The following ZBTB11 variants were observed in gnomAD, a reference collection of about 807,000 sequenced individuals.
The protein encoded by ZBTB11 is zinc finger and BTB domain-containing protein 11.
Under a neutral mutation model 113.1 loss-of-function variants are expected in ZBTB11, and 68 were observed. The observed-to-expected ratio is 0.60, with a 90% CI of 0.49 to 0.74. ZBTB11 has a LOEUF of 0.74. ZBTB11 is among the 30% of genes least tolerant of loss of function. The pLI is 0.00. For synonymous variants in ZBTB11, 518 were observed against 452.6 expected (o/e 1.14, Z -1.83); for missense variants, 1,104 against 1,279.4 (o/e 0.86, Z 2.09).
chr3:101,662,608 G>C (rs1385118834), intron 5 of ZBTB11, among the ~76,000 whole-genome samples: 1 of 152,010 alleles, frequency 6.6e-6, no homozygotes, highest in African/African-American at 2.4e-5. Context: ...TCCGTCTCCA[G>C]AAAAACAAAA....
At chr3:101,668,767 A>T (rs1937037039) in intron 3 of ZBTB11, among the ~76,000 whole-genome samples, 1 of 152,214 alleles carries the variant, frequency 6.6e-6, no homozygotes, top group South Asian at 2.1e-4. Flanking sequence ...TGTACACCAT[A>T]AATATGTACA....
Position 101,654,420 on chromosome 3 carries a change from A to G in ZBTB11, c.2309+284T>C, listed in dbSNP as rs572553274. Among the ~76,000 whole-genome samples, 5 of 152,166 alleles carry G rather than the reference A, an allele frequency of 3.3e-5. No individual in the cohort carries two copies. In the South Asian group the frequency reaches 6.2e-4, roughly 19 times the overall value. On this transcript the variant is annotated intron_variant, in intron 8 of 10. Coordinates refer to ENST00000312938, the MANE Select transcript of ZBTB11 (RefSeq NM_014415.4). Reference sequence around the variant, plus strand: ...TAGGAGGATCTGGAAAATGAAGAAGAGGGGGGGAAAGAAACTGGCTGGCAG... The same window carrying G: ...TAGGAGGATCTGGAAAATGAAGAAGGGGGGGGGAAAGAAACTGGCTGGCAG...
Position 101,665,645 on chromosome 3 carries a change from C to T in ZBTB11, c.942G>A (p.Lys314=), listed in dbSNP as rs1033836102. ...CESVHKLMEE[K]QLTVYKKGEV... is the part of the protein sequence containing the mutation. Reference sequence around the variant, plus strand: ...CGCCCTTCTTATATACTGTTAGCTGCTTCTCTTCCATTAGCTTATGTACAC... The same window carrying T: ...CGCCCTTCTTATATACTGTTAGCTGTTTCTCTTCCATTAGCTTATGTACAC... The change falls in exon 4 of 11, where the codon AAG becomes AAA. Residue 314 remains lysine (K), a synonymous_variant. Transcript: ENST00000312938. 3.1e-6 allele frequency: 5 copies of T among 1,614,180 alleles called. No homozygotes were observed. In the African/African-American group the frequency reaches 4.0e-5, roughly 13 times the overall value.
chr3:101,665,762 A>G lies in ZBTB11; in HGVS notation c.825T>C (p.Thr275=). 1 of 1,610,648 alleles carries G rather than the reference A, an allele frequency of 6.2e-7. No homozygotes were observed. The highest frequency in any genetic ancestry group is 8.5e-7 in the Non-Finnish European group (1 of 1,178,906). Residue 275 remains threonine (T), a synonymous_variant, in exon 4 of 11, where the codon ACT becomes ACC. Coordinates refer to ENST00000312938, the MANE Select transcript of ZBTB11 (RefSeq NM_014415.4). ...TACAGAAATCAAAACTTAGTACAGAAGTATAGGCAAATTCCAGTAAAGGAA... is the reference window on the plus strand; with the variant it reads ...TACAGAAATCAAAACTTAGTACAGAGGTATAGGCAAATTCCAGTAAAGGAA... ...SFLPLLEFAY[T]SVLSFDFCSM...
Position 101,677,023 on chromosome 3 carries a change from G to A in ZBTB11, c.-109C>T. The A allele has an allele frequency of 1.6e-6, 2 of 1,261,640 alleles. No individual in the cohort carries two copies. 78.2% of individuals were successfully genotyped at this position (1,261,640 alleles called of 1,614,324 possible). ...GGCGGCACCGTAGGGAGAAACGGCTGCGCCTTTGGCGAGCGCTCTTCGACG... is the reference window on the plus strand; with the variant it reads ...GGCGGCACCGTAGGGAGAAACGGCTACGCCTTTGGCGAGCGCTCTTCGACG... On this transcript the variant is annotated 5_prime_UTR_variant, in exon 1 of 11. Coordinates refer to ENST00000312938, the MANE Select transcript of ZBTB11 (RefSeq NM_014415.4).
At chr3:101,674,981 G>A (rs1187499556) in intron 1 of ZBTB11, among the ~76,000 whole-genome samples, 1 of 152,176 alleles carries the variant, frequency 6.6e-6, no homozygotes, top group African/African-American at 2.4e-5. Flanking sequence ...GCTGAAAAGG[G>A]AGGATCATCT....
At chr3:101,669,355 T>A (rs1169544082) in intron 3 of ZBTB11, among the ~76,000 whole-genome samples, 1 of 152,226 alleles carries the variant, frequency 6.6e-6, no homozygotes, top group East Asian at 1.9e-4. Context: ...ATCAAACATA[T>A]TTTTAAAATA....
chr3:101,674,912 T>C (rs531807963), intron 1 of ZBTB11, among the ~76,000 whole-genome samples: 6 of 152,256 alleles, frequency 3.9e-5, no homozygotes, highest in South Asian at 4.2e-4. Flanking sequence ...TGTGTGACTT[T>C]TGTTGTGTTA....
chr3:101,672,564 A>T (rs1313478749), intron 1 of ZBTB11, among the ~76,000 whole-genome samples: 2 of 152,230 alleles, frequency 1.3e-5, no homozygotes, highest in Non-Finnish European at 2.9e-5. Flanking sequence ...TACACAAATT[A>T]ACAATTTAGG....
chr3:101,667,406 T>C (rs1263236539), intron 3 of ZBTB11, among the ~76,000 whole-genome samples: 2 of 152,238 alleles, frequency 1.3e-5, no homozygotes, highest in African/African-American at 2.4e-5. Context: ...TTCTGCACTT[T>C]GCTTTTCTAA....
At chr3:101,656,714 G>A (rs370732266) in intron 6 of ZBTB11, among the ~76,000 whole-genome samples, 1 of 152,002 alleles carries the variant, frequency 6.6e-6, no homozygotes, top group Non-Finnish European at 1.5e-5. Flanking sequence ...TAAAAATGAC[G>A]TGACAATGCC....
chr3:101,658,187 C>T (rs1333794138), intron 6 of ZBTB11, among the ~76,000 whole-genome samples: 1 of 151,916 alleles, frequency 6.6e-6, no homozygotes, highest in Non-Finnish European at 1.5e-5. Context: ...TTTGCAGCAA[C>T]CTGGATGGAA....
intron 7 of ZBTB11, among the ~76,000 whole-genome samples, 182 bp from the exon 8 acceptor site, chr3:101,655,003 G>C (rs527241050): frequency 5.3e-5 from 8 of 152,096 alleles, no homozygotes; most frequent in African/African-American, 1.9e-4. Flanking sequence ...TCAGCTTCCC[G>C]AGTAGCTGGG....
In ZBTB11 at chr3:101,653,152, G is replaced by A. The variant is rs9811571; in HGVS notation, c.2310-214C>T. On this transcript the variant is annotated intron_variant, in intron 8 of 10. Coordinates refer to ENST00000312938, the MANE Select transcript of ZBTB11 (RefSeq NM_014415.4). ...AATGTTTTAGAAAGAATCGTGCATA[G>A]TTCCCAAAGGTTATTACAGAGGAAA... Among the ~76,000 whole-genome samples the A allele has an allele frequency of 1.6e-3, 247 of 152,246 alleles. 3 individuals carry two copies. Among genetic ancestry groups the A allele is most frequent in the African/African-American group, 5.7e-3 (237 of 41,558 alleles).
chr3:101,655,707 C>T (rs1936783483), intron 7 of ZBTB11: 2 of 151,420 alleles, frequency 1.3e-5, no homozygotes, highest in African/African-American at 4.9e-5. Flanking sequence ...GTCGCCCAGG[C>T]TGGAGTGCAG....
chr3:101,648,939 A>C lies in ZBTB11; in HGVS notation c.*2227T>G, dbSNP rs1936649252. On this transcript the variant is annotated 3_prime_UTR_variant, in exon 11 of 11. Transcript: ENST00000312938. ...GGACAAATTGAAGGATGGTAAATGC[A>C]GGGGATTTTATTGCTGGATAAAGGT... 1 of 152,230 alleles carries C rather than the reference A, an allele frequency of 6.6e-6. No homozygotes were observed. Among genetic ancestry groups the C allele is most frequent in the Non-Finnish European group, 1.5e-5 (1 of 68,066 alleles). The allele number at this position is 152,230 out of a possible 1,614,324, so 9.4% of individuals were successfully genotyped here.
chr3:101,656,184 T>C lies in ZBTB11; in HGVS notation c.2111A>G (p.Gln704Arg), dbSNP rs144024292. The change falls in exon 7 of 11, where the codon CAG (glutamine) becomes CGG (arginine). Residue 704 changes from glutamine to arginine, a missense_variant. Physicochemically the swap from Gln to Arg is conservative, Grantham distance 43. Transcript: ENST00000312938. ...LKLHQSLHQSQKQFQCELCVK... is the reference protein window; with the variant it reads ...LKLHQSLHQSRKQFQCELCVK... ...ACACAGTTCACACTGGAACTGCTTC[T>C]GTGATTGATGAAGACTCTGATGTAA... The C allele has an allele frequency of 1.3e-5, 21 of 1,602,614 alleles. No homozygotes were observed. The South Asian group carries it at 1.3e-4, about 10-fold the overall frequency.
intron 1 of ZBTB11, 79 bp downstream of exon 1, chr3:101,676,526 G>A: frequency 1.5e-6 from 2 of 1,367,298 alleles, no homozygotes; most frequent in East Asian, 2.9e-5. Flanking sequence ...CGACTCGTGG[G>A]TACGCATAGG....
chr3:101,676,542 C>T, intron 1 of ZBTB11, 63 bp downstream of exon 1: 1 of 1,421,026 alleles, frequency 7.0e-7, no homozygotes, highest in Non-Finnish European at 9.2e-7. Flanking sequence ...ATAGGCCTCG[C>T]CAGCGAGCCT....
Sources: allele counts gnomAD v4.1 joint callset (sites outside exome capture counted in the v4.1 genomes callset), GRCh38; gene constraint gnomAD v4.1.1; transcripts MANE v1.5; gene names NCBI Gene and HGNC (gene_info 2026-07-23, HGNC 2026-07-21).